DNAH5: variants seen among roughly 807,000 people sequenced by gnomAD.
DNAH5 encodes the protein dynein axonemal heavy chain 5.
Under a neutral mutation model 518.2 loss-of-function variants are expected in DNAH5, and 372 were observed. The ratio of observed to expected loss-of-function variants is 0.72; its 90% CI spans 0.66 to 0.78. DNAH5 has a LOEUF of 0.78. Among genes scored for constraint, DNAH5 ranks in the 30% least tolerant of loss-of-function variants. The probability of loss-of-function intolerance (pLI) is 0.00; values close to 1 mark genes in which losing one functional copy is unlikely to be tolerated. For synonymous variants in DNAH5, 2,039 were observed against 2,025.9 expected, an observed-to-expected ratio of 1.01 and a Z score of -0.17; for missense variants, 5,523 against 5,687.0, an observed-to-expected ratio of 0.97 and a Z score of 0.93.
intron 30 of DNAH5, among the ~76,000 whole-genome samples, chr5:13,853,477 A>G (rs1767176609): frequency 6.6e-6 from 1 of 152,172 alleles, no homozygotes; most frequent in African/African-American, 2.4e-5. Flanking sequence ...CCAAAGGATA[A>G]CAACTCCTCG....
At position 13,692,021 on chromosome 5, in the gene DNAH5, A is replaced by AC; in HGVS notation, c.13837dup (p.Val4613GlyfsTer10). The AC allele has an allele frequency of 1.9e-6, 3 of 1,614,100 alleles. No homozygotes were observed. The highest frequency in any genetic ancestry group is 2.5e-6 in the Non-Finnish European group (3 of 1,179,996). ...ACACAGAAGGGCAACCCCACGGAGC[A>AC]CCCAGTGTTCAGGGGTCTGGGCTGT... On this transcript the variant is annotated frameshift_variant, in exon 79 of 79. Transcript: ENST00000265104. LOFTEE classifies it high-confidence loss of function.
intron 22 of DNAH5, among the ~76,000 whole-genome samples, chr5:13,872,119 A>G (rs1158620433): frequency 6.6e-6 from 1 of 152,112 alleles, no homozygotes; most frequent in African/African-American, 2.4e-5. Flanking sequence ...GCTATGAAAA[A>G]CATACTCTGA....
chr5:13,747,192 T>A (rs890498285), intron 65 of DNAH5, among the ~76,000 whole-genome samples: 2 of 152,302 alleles, frequency 1.3e-5, no homozygotes, highest in Admixed American at 6.5e-5. Flanking sequence ...TCCAGCTTCA[T>A]CCATGTCCCT....
At chr5:13,985,109 T>C (rs368421742) in intron 1 of DNAH5, among the ~76,000 whole-genome samples, 1 of 152,290 alleles carries the variant, frequency 6.6e-6, no homozygotes, top group East Asian at 1.9e-4. Flanking sequence ...TAAAAAATGA[T>C]GAGTTCGTGT....
At chr5:13,756,937 A>G (rs1420228031) in intron 61 of DNAH5, among the ~76,000 whole-genome samples, 2 of 152,264 alleles carry the variant, frequency 1.3e-5, no homozygotes, top group African/African-American at 2.4e-5. Flanking sequence ...GCTCCCACTT[A>G]TAAGTGAAAA....
chr5:13,856,369 C>T (rs924796575), intron 30 of DNAH5, among the ~76,000 whole-genome samples: 9 of 152,096 alleles, frequency 5.9e-5, no homozygotes, highest in African/African-American at 2.2e-4. Flanking sequence ...ACTATAAACA[C>T]CTCTATACAA....
In DNAH5 at chr5:13,751,147, A is replaced by C. The variant is rs1434871782; in HGVS notation, c.11142T>G (p.Ile3714Met). The C allele has an allele frequency of 6.2e-7, 1 of 1,613,994 alleles. No homozygotes were observed. Among genetic ancestry groups the C allele is most frequent in the Non-Finnish European group, 8.5e-7 (1 of 1,179,920 alleles). Residue 3714 changes from isoleucine to methionine, a missense_variant, in exon 65 of 79, where the codon ATT becomes ATG. Physicochemically the swap from Ile to Met is conservative, Grantham distance 10. Coordinates refer to ENST00000265104, the MANE Select transcript of DNAH5 (RefSeq NM_001369.3). ...TPEISARTSI[I>M]DFTVTMKGLE... ...GACCTTTCATGGTGACAGTGAAGTC[A>C]ATGATGGAGGTACGGGCACTTATCT...
chr5:13,921,143 C>T (rs907997412), intron 5 of DNAH5, among the ~76,000 whole-genome samples: 7 of 152,050 alleles, frequency 4.6e-5, no homozygotes, highest in Admixed American at 4.6e-4. Context: ...GTCCAACCTG[C>T]AATTTGGTCT....
chr5:13,817,490 C>T, intron 42 of DNAH5, 58 bp downstream of exon 42: 1 of 1,548,952 alleles, frequency 6.5e-7, no homozygotes, highest in Non-Finnish European at 8.9e-7. Flanking sequence ...TCTGTATAGC[C>T]TCCAAGGATT....
Position 13,846,946 on chromosome 5 carries a change from C to A in DNAH5, c.5115-1953G>T, listed in dbSNP as rs963735765. ...ATTCTGTTATTTCAAATATCCCAAT[C>A]CTTATTTGAATAACTGTGATGTGTT... is the stretch of plus-strand genomic sequence containing the variant. On this transcript the variant is annotated intron_variant, in intron 31 of 78. Coordinates refer to ENST00000265104, the MANE Select transcript of DNAH5 (RefSeq NM_001369.3). 1.6e-4 allele frequency among the ~76,000 whole-genome samples: 24 copies of A among 152,184 alleles called. 1 individual carries two copies.
chr5:13,725,205 G>A (rs1488146704), intron 70 of DNAH5, among the ~76,000 whole-genome samples: 1 of 152,216 alleles, frequency 6.6e-6, no homozygotes, highest in Admixed American at 6.5e-5. Flanking sequence ...AGGGTGACAT[G>A]AAAGTATGAA....
At chr5:13,944,766 C>G (rs2152029453), upstream of DNAH5, among the ~76,000 whole-genome samples, 1 of 152,358 alleles carries the variant, frequency 6.6e-6, no homozygotes, top group South Asian at 2.1e-4. Flanking sequence ...AGCATTTTAA[C>G]TGCTCGGTAG....
At chr5:13,709,344 C>T (rs1219740281) in intron 75 of DNAH5, among the ~76,000 whole-genome samples, 20 of 151,970 alleles carry the variant, frequency 1.3e-4, no homozygotes, top group Admixed American at 1.3e-3. Context: ...AATCAGCTAC[C>T]TCTTAGTCTT....
intron 18 of DNAH5, among the ~76,000 whole-genome samples, 193 bp downstream of exon 18, chr5:13,885,771 A>C (rs1195320692): frequency 6.6e-6 from 1 of 152,246 alleles, no homozygotes; most frequent in African/African-American, 2.4e-5. Flanking sequence ...AAGTTTAACC[A>C]AAAATAGTAG....
intron 61 of DNAH5, 128 bp downstream of exon 61, chr5:13,758,718 C>G (rs1751352830): frequency 1.5e-6 from 2 of 1,352,644 alleles, no homozygotes; most frequent in Non-Finnish European, 2.1e-6. Context: ...ATCAAAGACC[C>G]TTGGTGTCCA....
chr5:13,766,120 G>C lies in DNAH5; in HGVS notation c.9957C>G (p.Ile3319Met). The change falls in exon 59 of 79, where the codon ATC becomes ATG. Residue 3319 changes from isoleucine to methionine, a missense_variant. By Grantham distance (10) the Ile-to-Met change is conservative. Around this residue, in one of 3 missense-constraint regions of DNAH5, gnomAD observed 5,121 missense variants for 5,223.3 expected, o/e 0.98. Coordinates refer to ENST00000265104, the MANE Select transcript of DNAH5 (RefSeq NM_001369.3). ...VRTLGRPPHL[I>M]MRIMDCVLLL... ...GCAGTACGCAATCCATGATCCGCATGATGAGGTGAGGGGGGCGGCCCAACG... is the reference window on the plus strand; with the variant it reads ...GCAGTACGCAATCCATGATCCGCATCATGAGGTGAGGGGGGCGGCCCAACG... The C allele has an allele frequency of 1.2e-6, 2 of 1,614,226 alleles. No individual in the cohort carries two copies. Among genetic ancestry groups the C allele is most frequent in the Non-Finnish European group, 1.7e-6 (2 of 1,180,026 alleles).
At chr5:14,004,762 T>C (rs1784603597) in intron 1 of DNAH5, among the ~76,000 whole-genome samples, 3 of 152,242 alleles carry the variant, frequency 2.0e-5, no homozygotes, top group Admixed American at 1.3e-4. Flanking sequence ...TTTTCTAGTA[T>C]TGGTTATGCT....
intron 58 of DNAH5, among the ~76,000 whole-genome samples, 199 bp downstream of exon 58, chr5:13,768,761 G>A (rs1031734108): frequency 1.3e-5 from 2 of 152,324 alleles, no homozygotes; most frequent in East Asian, 1.9e-4. Context: ...TGAGTGAAGA[G>A]TGTGAGATGT....
chr5:13,765,269 T>C (rs757787926), intron 59 of DNAH5, among the ~76,000 whole-genome samples: 1 of 152,126 alleles, frequency 6.6e-6, no homozygotes, highest in Non-Finnish European at 1.5e-5. Context: ...TCACACACAG[T>C]ACAGCACATT....
Sources: gnomAD v4.1 joint callset for allele counts (sites outside exome capture counted in the v4.1 genomes callset) on GRCh38, gnomAD v4.1.1 for gene constraint, gnomAD v4.1.1 regional missense constraint, MANE v1.5 for transcripts, NCBI Gene and HGNC (gene_info 2026-07-23, HGNC 2026-07-21) for gene names.